Variants in TMEM132E observed in about 807,000 individuals in gnomAD.
TMEM132E encodes transmembrane protein 132E.
Under a neutral mutation model 78.5 loss-of-function variants are expected in TMEM132E, and 49 were observed. The observed-to-expected ratio is 0.62, with a 90% CI of 0.50 to 0.79. TMEM132E has a LOEUF of 0.79. TMEM132E is among the 30% of genes least tolerant of loss of function. TMEM132E has a pLI of 0.00. For synonymous variants in TMEM132E, 715 were observed against 670.6 expected, an observed-to-expected ratio of 1.07 and a Z score of -1.02; for missense variants, 1,403 against 1,470.9, an observed-to-expected ratio of 0.95 and a Z score of 0.75.
intron 1 of TMEM132E, among the ~76,000 whole-genome samples, chr17:34,619,479 C>CTCATTCAT (rs112467337): frequency 6.7e-5 from 10 of 149,726 alleles, no homozygotes; most frequent in Admixed American, 2.0e-4. Context: ...CATGCCCCCT[C>CTCATTCAT]TCATTCATTC....
intron 7 of TMEM132E, 122 bp downstream of exon 7, chr17:34,635,209 C>T: frequency 1.7e-6 from 2 of 1,171,198 alleles, no homozygotes; most frequent in Non-Finnish European, 2.3e-6. Context: ...CTGCCTGCCC[C>T]TTGTCTGAAA....
intron 1 of TMEM132E, among the ~76,000 whole-genome samples, chr17:34,581,557 G>A (rs1905483082): frequency 6.6e-6 from 1 of 152,048 alleles, no homozygotes; most frequent in Admixed American, 6.5e-5. Context: ...GTCTTTCCTC[G>A]CCCCGGGCGC....
Position 34,629,052 on chromosome 17 carries a change from G to A in TMEM132E, c.1186G>A (p.Glu396Lys). ...CTTGGAGATCTTGCAGCTGGACTTT[G>A]AAATGGAGAACTTCACCAGCCAGTC... ...GPLEILQLDF[E>K]MENFTSQSVK... The change falls in exon 4 of 9, where the codon GAA (glutamate) becomes AAA (lysine). Residue 396 changes from glutamate (E) to lysine (K), a missense_variant. Coordinates refer to ENST00000631683, the MANE Select transcript of TMEM132E (RefSeq NM_001304438.2). 6.3e-7 allele frequency: 1 copy of A among 1,591,260 alleles called. No homozygotes were observed. The highest frequency in any genetic ancestry group is 8.6e-7 in the Non-Finnish European group (1 of 1,165,632).
chr17:34,634,242 C>T (rs1907444295), intron 6 of TMEM132E, among the ~76,000 whole-genome samples: 1 of 152,138 alleles, frequency 6.6e-6, no homozygotes, highest in Non-Finnish European at 1.5e-5. Context: ...GTCCAGGTTC[C>T]CTTTTGCTTA....
At chr17:34,604,566 A>G (rs529595209) in intron 1 of TMEM132E, among the ~76,000 whole-genome samples, 97 of 151,766 alleles carry the variant, frequency 6.4e-4, no homozygotes, top group Admixed American at 1.8e-3. Context: ...CCCTCCACAC[A>G]TGTGCGCACC....
chr17:34,583,649 G>A (rs942508764), intron 1 of TMEM132E, among the ~76,000 whole-genome samples: 4 of 152,210 alleles, frequency 2.6e-5, no homozygotes, highest in African/African-American at 9.7e-5. Context: ...GCAGGCAATT[G>A]AGGTCACAGG....
chr17:34,612,736 A>G (rs1906632011), intron 1 of TMEM132E, among the ~76,000 whole-genome samples: 3 of 152,162 alleles, frequency 2.0e-5, no homozygotes, highest in Non-Finnish European at 2.9e-5. Flanking sequence ...CCTGGTCCCC[A>G]ACTTCCAGGC....
Position 34,615,396 on chromosome 17 carries a change from C to T in TMEM132E, c.68-10731C>T, listed in dbSNP as rs555412355. ...TCCTTACTCTCAAAGATGAGGAAGT[C>T]ACACTGAGCAGCAGGCTTGGTCTGG... On this transcript the variant is annotated intron_variant, in intron 1 of 8. Transcript: ENST00000631683. Among the ~76,000 whole-genome samples the T allele has an allele frequency of 2.6e-5, 4 of 152,256 alleles. No individual in the cohort carries two copies. The South Asian group carries it at 6.2e-4, about 24-fold the overall frequency.
intron 5 of TMEM132E, 93 bp downstream of exon 5, chr17:34,630,244 C>T: frequency 7.2e-7 from 1 of 1,397,996 alleles, no homozygotes; most frequent in Non-Finnish European, 9.8e-7. Context: ...CTGACTCTTA[C>T]TCATCCTCTA....
chr17:34,583,618 A>T (rs909738720), intron 1 of TMEM132E, among the ~76,000 whole-genome samples: 1 of 152,164 alleles, frequency 6.6e-6, no homozygotes, highest in Non-Finnish European at 1.5e-5. Context: ...ATAGAGGGAC[A>T]GTTGCAGTTT....
rs1555565381 is a variant in TMEM132E, at chr17:34,638,265, C to CT, written c.*33_*34insT. The CT allele has an allele frequency of 5.4e-6, 8 of 1,470,570 alleles. No homozygotes were observed. The highest frequency in any genetic ancestry group is 3.0e-5 in the African/African-American group (2 of 66,608). The allele number at this position is 1,470,570 out of a possible 1,614,324, so 91.1% of individuals were successfully genotyped here. On this transcript the variant is annotated 3_prime_UTR_variant, in exon 9 of 9. Transcript: ENST00000631683. ...AGCCGGAGTAGCAGGGACCCCCCCC[C>CT]CCAACGGGGTCAGCTCGGGGTAGGA...
In TMEM132E at chr17:34,626,323, G is replaced by T. The variant is rs759706514; in HGVS notation, c.264G>T (p.Pro88=). Residue 88 remains proline, a synonymous_variant, in exon 2 of 9, where the codon CCG becomes CCT. Transcript: ENST00000631683. The part of the protein sequence containing the change: ...PFVVFQTKEL[P]VLNVSLGPFS... ...TGGTGTTCCAGACCAAGGAGCTGCC[G>T]GTCCTCAACGTCTCTCTGGGGCCCT... The T allele has an allele frequency of 1.9e-6, 3 of 1,612,560 alleles. No individual in the cohort carries two copies. The Admixed American group carries it at 5.0e-5, about 27-fold the overall frequency.
At chr17:34,609,801 AG>A (rs1906529545) in intron 1 of TMEM132E, among the ~76,000 whole-genome samples, 3 of 152,218 alleles carry the variant, frequency 2.0e-5, no homozygotes, top group Non-Finnish European at 4.4e-5. Flanking sequence ...GCAGAGCCCC[AG>A]GGCTCTAAGG....
chr17:34,623,199 A>G (rs1375593002), intron 1 of TMEM132E, among the ~76,000 whole-genome samples: 2 of 152,192 alleles, frequency 1.3e-5, no homozygotes, highest in Non-Finnish European at 2.9e-5. Flanking sequence ...TGGGGCATGC[A>G]GTCACAATTG....
chr17:34,611,971 C>G (rs989472861), intron 1 of TMEM132E, among the ~76,000 whole-genome samples: 1 of 152,044 alleles, frequency 6.6e-6, no homozygotes, highest in Admixed American at 6.5e-5. Context: ...GGCCTGGGAC[C>G]GAGGGTCTAC....
At chr17:34,587,498 C>T (rs531345733) in intron 1 of TMEM132E, among the ~76,000 whole-genome samples, 10 of 152,074 alleles carry the variant, frequency 6.6e-5, no homozygotes, top group South Asian at 2.1e-4. Flanking sequence ...TTATTCCTTG[C>T]GTGGTGAGGG....
intron 1 of TMEM132E, among the ~76,000 whole-genome samples, chr17:34,613,211 A>ACACGCACGCGCG: frequency 1.7e-5 from 2 of 115,856 alleles, no homozygotes; most frequent in East Asian, 3.3e-4. Flanking sequence ...ACACACACAC[A>ACACGCACGCGCG]CGCGCGCGCG....
intron 8 of TMEM132E, among the ~76,000 whole-genome samples, chr17:34,636,712 C>CAA (rs1907532568): frequency 6.6e-6 from 1 of 152,186 alleles, no homozygotes; most frequent in Non-Finnish European, 1.5e-5. Context: ...CCTGCTTCCT[C>CAA]ATCTGGAGGG....
intron 1 of TMEM132E, among the ~76,000 whole-genome samples, chr17:34,608,899 A>G (rs1021796228): frequency 1.4e-5 from 2 of 143,778 alleles, no homozygotes; most frequent in Admixed American, 1.3e-4. Context: ...TAAAGCTATG[A>G]CATGGAGGCC....
Sources: gnomAD v4.1 joint callset for allele counts (sites outside exome capture counted in the v4.1 genomes callset) on GRCh38, gnomAD v4.1.1 for gene constraint, MANE v1.5 for transcripts, NCBI Gene and HGNC (gene_info 2026-07-23, HGNC 2026-07-21) for gene names.